The following ZFPM2 variants were observed in gnomAD, a reference collection of about 807,000 sequenced individuals.
ZFPM2 encodes the protein zinc finger protein, FOG family member 2, also known as zinc finger protein ZFPM2.
Under a neutral mutation model 98.6 loss-of-function variants are expected in ZFPM2, and 20 were observed. That is an observed-to-expected ratio of 0.20 (90% CI 0.14 to 0.29). ZFPM2 has a LOEUF of 0.29. ZFPM2 is among the 10% of genes least tolerant of loss of function. ZFPM2 has a pLI of 1.00. For missense variants in ZFPM2, 1,310 were observed against 1,388.6 expected, an observed-to-expected ratio of 0.94 and a Z score of 0.90; for synonymous variants, 518 against 502.7, an observed-to-expected ratio of 1.03 and a Z score of -0.41.
At chr8:105,369,866 T>C (rs1810584537) in intron 1 of ZFPM2, among the ~76,000 whole-genome samples, 1 of 152,058 alleles carries the variant, frequency 6.6e-6, no homozygotes, top group South Asian at 2.1e-4. Context: ...TGTTAGAAAA[T>C]TTCACTGAAG....
intron 4 of ZFPM2, among the ~76,000 whole-genome samples, chr8:105,580,799 TTC>T (rs770366065): frequency 0.012 from 1,778 of 142,820 alleles, 11 homozygotes; most frequent in African/African-American, 0.017. Context: ...ATAATCATCA[TTC>T]TCTCTCTCTC....
At chr8:105,513,269 GTCTTT>G (rs1813852762) in intron 3 of ZFPM2, among the ~76,000 whole-genome samples, 2 of 152,070 alleles carry the variant, frequency 1.3e-5, no homozygotes, top group South Asian at 4.1e-4. Context: ...TCCAGCTTCT[GTCTTT>G]TCTTATATTT....
At chr8:105,374,216 A>G (rs1810678704) in intron 1 of ZFPM2, among the ~76,000 whole-genome samples, 1 of 152,188 alleles carries the variant, frequency 6.6e-6, no homozygotes, top group South Asian at 2.1e-4. Context: ...AAATCCCCAC[A>G]TAGTAAACTA....
intron 3 of ZFPM2, among the ~76,000 whole-genome samples, chr8:105,462,843 T>C (rs546566849): frequency 1.8e-4 from 27 of 152,250 alleles, no homozygotes; most frequent in African/African-American, 6.5e-4. Flanking sequence ...CGTTTGTATC[T>C]ATGTTGTTCA....
Position 105,802,076 on chromosome 8 carries a change from G to A in ZFPM2, c.1994G>A (p.Gly665Glu). 6.2e-7 allele frequency: 1 copy of A among 1,613,712 alleles called. No individual in the cohort carries two copies. Among genetic ancestry groups the A allele is most frequent in the Non-Finnish European group, 8.5e-7 (1 of 1,179,830 alleles). ...AGTAACAATGATGACAAAATTAATGGAAAACCTGTTGATGTGAAAAATCCC... is the reference window on the plus strand; with the variant it reads ...AGTAACAATGATGACAAAATTAATGAAAAACCTGTTGATGTGAAAAATCCC... ...TSSNNDDKIN[G>E]KPVDVKNPSV... Residue 665 changes from glycine to glutamate, a missense_variant, in exon 8 of 8, where the codon GGA (glycine) becomes GAA (glutamate). Physicochemically the swap from Gly to Glu is moderately conservative, Grantham distance 98. Transcript: ENST00000407775.
chr8:105,700,063 A>G (rs1037641400), intron 5 of ZFPM2, among the ~76,000 whole-genome samples: 1 of 152,198 alleles, frequency 6.6e-6, no homozygotes, highest in Non-Finnish European at 1.5e-5. Flanking sequence ...AAGTTATTTA[A>G]TCATTTTAAC....
intron 1 of ZFPM2, among the ~76,000 whole-genome samples, chr8:105,337,301 T>C (rs1460633951): frequency 6.6e-6 from 1 of 151,804 alleles, no homozygotes; most frequent in African/African-American, 2.4e-5. Flanking sequence ...AATATGTGTT[T>C]TCTAAACATT....
intron 3 of ZFPM2, among the ~76,000 whole-genome samples, chr8:105,542,818 T>C (rs186514592): frequency 1.3e-5 from 2 of 152,332 alleles, no homozygotes; most frequent in East Asian, 3.9e-4. Flanking sequence ...TTTTTAAAAC[T>C]GTGGTATAAT....
intron 5 of ZFPM2, among the ~76,000 whole-genome samples, chr8:105,723,500 G>A (rs1811721026): frequency 6.6e-6 from 1 of 151,780 alleles, no homozygotes; most frequent in Admixed American, 6.6e-5. Context: ...GAAGATCCGG[G>A]TGGCCAGGGA....
In ZFPM2 at chr8:105,801,093, C is replaced by G. The variant is rs1399538391; in HGVS notation, c.1011C>G (p.Cys337Trp). ...TGCCCCCTGGTGCTAGTCTAAAATG[C>G]ACCGTCTGTAGCTACACTGCTGATT... is the stretch of plus-strand genomic sequence containing the variant. Reference protein sequence around the residue: ...EFLPPGASLKCTVCSYTADSV... With the variant: ...EFLPPGASLKWTVCSYTADSV... Residue 337 changes from cysteine (C) to tryptophan (W), a missense_variant, in exon 8 of 8, where the codon TGC (cysteine) becomes TGG (tryptophan). Cys to Trp is a radical substitution (Grantham distance 215). Transcript: ENST00000407775. 6.2e-7 allele frequency: 1 copy of G among 1,613,762 alleles called. No homozygotes were observed. Among genetic ancestry groups the G allele is most frequent in the Admixed American group, 1.7e-5 (1 of 59,992 alleles).
intron 5 of ZFPM2, among the ~76,000 whole-genome samples, chr8:105,770,277 G>A (rs1193168745): frequency 3.9e-5 from 6 of 152,058 alleles, no homozygotes; most frequent in Non-Finnish European, 7.4e-5. Context: ...AGTTGACTAT[G>A]TAACACAACA....
chr8:105,729,957 G>C (rs1215914222), intron 5 of ZFPM2, among the ~76,000 whole-genome samples: 4 of 150,886 alleles, frequency 2.7e-5, no homozygotes, highest in Non-Finnish European at 5.9e-5. Context: ...ATGCACTGTG[G>C]CATGTAATAT....
intron 1 of ZFPM2, among the ~76,000 whole-genome samples, chr8:105,398,885 A>G (rs1811277967): frequency 6.6e-6 from 1 of 152,130 alleles, no homozygotes; most frequent in Non-Finnish European, 1.5e-5. Flanking sequence ...GTGCTGAGAT[A>G]GAGAGAGAGG....
intron 3 of ZFPM2, among the ~76,000 whole-genome samples, chr8:105,458,118 G>A (rs1323535101): frequency 1.3e-5 from 2 of 152,242 alleles, no homozygotes; most frequent in East Asian, 3.9e-4. Context: ...AGCCTCAAGG[G>A]ATGTCCTCTG....
intron 4 of ZFPM2, among the ~76,000 whole-genome samples, chr8:105,608,796 A>G (rs1333263401): frequency 6.6e-6 from 1 of 152,104 alleles, no homozygotes; most frequent in Admixed American, 6.6e-5. Context: ...TATAGATTTG[A>G]GAGTCATTTG....
chr8:105,609,571 G>A (rs1395735622), intron 4 of ZFPM2, among the ~76,000 whole-genome samples: 1 of 152,132 alleles, frequency 6.6e-6, no homozygotes, highest in Non-Finnish European at 1.5e-5. Context: ...CATTGCCAAA[G>A]TTACATGGAA....
chr8:105,363,101 G>A (rs1810439153), intron 1 of ZFPM2, among the ~76,000 whole-genome samples: 3 of 152,078 alleles, frequency 2.0e-5, no homozygotes, highest in Non-Finnish European at 4.4e-5. Context: ...CATGGGTCAA[G>A]GACTTTGCAC....
intron 1 of ZFPM2, among the ~76,000 whole-genome samples, chr8:105,381,062 G>A (rs1230082030): frequency 6.9e-6 from 1 of 144,980 alleles, no homozygotes. Context: ...TTCTCTTAAT[G>A]CTATCCCTCC....
intron 1 of ZFPM2, among the ~76,000 whole-genome samples, chr8:105,374,571 A>G (rs564090437): frequency 1.3e-5 from 2 of 152,192 alleles, no homozygotes; most frequent in East Asian, 3.9e-4. Flanking sequence ...TTTTTTGTCG[A>G]GATGGGATCT....
Sources: gnomAD v4.1 joint callset for allele counts (sites outside exome capture counted in the v4.1 genomes callset) on GRCh38, gnomAD v4.1.1 for gene constraint, MANE v1.5 for transcripts, NCBI Gene and HGNC (gene_info 2026-07-23, HGNC 2026-07-21) for gene names.